Variants in PTPRS observed in about 807,000 individuals in gnomAD.
The protein encoded by PTPRS is receptor-type tyrosine-protein phosphatase S.
In PTPRS, 63 loss-of-function variants were observed where a neutral mutation model predicts 215.3. That is an observed-to-expected ratio of 0.29 (90% CI 0.24 to 0.36). The LOEUF is 0.36. PTPRS is among the 10% of genes least tolerant of loss of function. PTPRS has a pLI of 1.00. For missense variants in PTPRS, 2,258 were observed against 2,825.8 expected (o/e 0.80, Z 4.56); for synonymous variants, 1,404 against 1,191.4 (o/e 1.18, Z -3.68).
At chr19:5,273,622 G>C (rs1254294367) in intron 3 of PTPRS, 39 bp from the exon 4 acceptor site, 2 of 1,612,506 alleles carry the variant, frequency 1.2e-6, no homozygotes, top group South Asian at 1.1e-5. Flanking sequence ...AGTGAGGCTG[G>C]GGTCCCAGGA....
chr19:5,267,481 A>G (rs907413509), intron 4 of PTPRS, among the ~76,000 whole-genome samples: 1 of 151,716 alleles, frequency 6.6e-6, no homozygotes, highest in African/African-American at 2.4e-5. Context: ...ACATGGTGAA[A>G]CCCCGTCTCT....
At chr19:5,284,233 A>C (rs1020230624) in intron 2 of PTPRS, among the ~76,000 whole-genome samples, 1 of 150,390 alleles carries the variant, frequency 6.6e-6, no homozygotes, top group African/African-American at 2.5e-5. Context: ...GGTGGCTGGC[A>C]CCTGTAATCC....
intron 1 of PTPRS, among the ~76,000 whole-genome samples, chr19:5,307,933 G>T (rs1482585085): frequency 2.0e-5 from 3 of 152,190 alleles, no homozygotes; most frequent in Admixed American, 6.5e-5. Context: ...CCAATGGCGG[G>T]GTTGAGTAGT....
Position 5,313,940 on chromosome 19 carries a change from A to AAATAAT in PTPRS, c.-95+26718_-95+26723dup, listed in dbSNP as rs148699840. 1.9e-3 allele frequency among the ~76,000 whole-genome samples: 279 copies of AAATAAT among 146,654 alleles called. 3 individuals carry two copies. The East Asian group carries it at 0.031, about 16-fold the overall frequency. The stretch of plus-strand genomic sequence containing the variant: ...AGCAAGACTCTCTCTCTCTCTCCAC[A>AAATAAT]AATAATAATAATAATAATAATAATA... On this transcript the variant is annotated intron_variant, in intron 1 of 37. Coordinates refer to ENST00000262963, the MANE Select transcript of PTPRS (RefSeq NM_002850.4).
At chr19:5,231,898 T>C (rs80329598) in intron 13 of PTPRS, among the ~76,000 whole-genome samples, 2,822 of 152,210 alleles carry the variant, frequency 0.019, 75 homozygotes, top group African/African-American at 0.064. Flanking sequence ...GTCTTAGGCA[T>C]TGGACAGCTA....
rs186073402 is a variant in PTPRS, at chr19:5,330,033, C to T, written c.-95+10631G>A. On this transcript the variant is annotated intron_variant, in intron 1 of 37. Transcript: ENST00000262963. ...TGGAAGTTGCCGTGAGCCGAGATCA[C>T]GCCATTGCACTCCAGCCTGGGTGAC... Among the ~76,000 whole-genome samples the T allele has an allele frequency of 2.6e-4, 38 of 148,110 alleles. No homozygotes were observed. In the Middle Eastern group the frequency reaches 0.014, roughly 56 times the overall value.
intron 6 of PTPRS, among the ~76,000 whole-genome samples, chr19:5,262,314 G>A (rs2046062231): frequency 6.6e-6 from 1 of 152,198 alleles, no homozygotes; most frequent in Non-Finnish European, 1.5e-5. Flanking sequence ...ATCACTCAGG[G>A]CTATTCTATC....
chr19:5,297,791 C>CTTTTTTTTTTT (rs373472522), intron 1 of PTPRS, among the ~76,000 whole-genome samples: 6 of 131,364 alleles, frequency 4.6e-5, no homozygotes, highest in African/African-American at 5.6e-5. Context: ...CTTTTCTTTT[C>CTTTTTTTTTTT]TTTTTTTTTT....
At chr19:5,256,487 G>C (rs530118281) in intron 8 of PTPRS, among the ~76,000 whole-genome samples, 54 of 152,176 alleles carry the variant, frequency 3.5e-4, no homozygotes, top group Non-Finnish European at 7.4e-4. Context: ...ACCTCTGGGG[G>C]ATGAGGACAC....
intron 1 of PTPRS, among the ~76,000 whole-genome samples, chr19:5,317,977 C>T (rs1275700519): frequency 1.3e-5 from 2 of 152,212 alleles, no homozygotes; most frequent in Non-Finnish European, 2.9e-5. Flanking sequence ...CGAGACCATC[C>T]TGCTTCACAC....
chr19:5,228,630 C>T (rs1171756895), intron 16 of PTPRS, among the ~76,000 whole-genome samples: 1 of 152,150 alleles, frequency 6.6e-6, no homozygotes, highest in African/African-American at 2.4e-5. Context: ...AGGCATGAGC[C>T]ACCACGCCCA....
rs898546389 is a variant in PTPRS, at chr19:5,338,105, C to A, written c.-95+2559G>T. On this transcript the variant is annotated intron_variant, in intron 1 of 37. Transcript: ENST00000262963. This position sits in a 1 kb window ranked among gnomAD's most constrained non-coding sequence, Gnocchi z 4.2. ...AAAATGACCTGTCACCCATCTCCCG[C>A]GGGGAGTGGGGAGCGGGCCAGTCCA... is the stretch of plus-strand genomic sequence containing the variant. 6.6e-6 allele frequency among the ~76,000 whole-genome samples: 1 copy of A among 151,414 alleles called. No individual in the cohort carries two copies. Among genetic ancestry groups the A allele is most frequent in the African/African-American group, 2.4e-5 (1 of 41,388 alleles).
chr19:5,222,367 C>T, intron 18 of PTPRS, 147 bp from the exon 19 acceptor site: 1 of 732,880 alleles, frequency 1.4e-6, no homozygotes, highest in African/African-American at 1.7e-5. Flanking sequence ...TCCTGCCTGG[C>T]CCTGGCCCGG....
intron 9 of PTPRS, among the ~76,000 whole-genome samples, chr19:5,246,859 G>A (rs1387006798): frequency 2.0e-5 from 3 of 151,982 alleles, no homozygotes; most frequent in African/African-American, 4.8e-5. Flanking sequence ...GCAGCTCTGA[G>A]TCACAAACAT....
chr19:5,339,331 G>A lies in PTPRS; in HGVS notation c.-95+1333C>T, dbSNP rs996479189. ...TTTGAGGAAGGGTTGCAGAGGAAGG[G>A]GCGTTCTTGGAAGCTGCATATTTAG... On this transcript the variant is annotated intron_variant, in intron 1 of 37. Transcript: ENST00000262963. This position sits in a 1 kb window ranked among gnomAD's most constrained non-coding sequence, Gnocchi z 4.2. Among the ~76,000 whole-genome samples, 3 of 152,114 alleles carry A rather than the reference G, an allele frequency of 2.0e-5. No individual in the cohort carries two copies. The highest frequency in any genetic ancestry group is 7.2e-5 in the African/African-American group (3 of 41,410).
At chr19:5,290,746 C>T (rs1483939066) in intron 1 of PTPRS, among the ~76,000 whole-genome samples, 1 of 151,968 alleles carries the variant, frequency 6.6e-6, no homozygotes, top group African/African-American at 2.4e-5. Context: ...GCTGATTATG[C>T]CAGCAGTGGG....
At position 5,270,458 on chromosome 19, in the gene PTPRS, G is replaced by C. The variant is rs567327903; in HGVS notation, c.379+2984C>G. On this transcript the variant is annotated intron_variant, in intron 4 of 37. Transcript: ENST00000262963. The stretch of plus-strand genomic sequence containing the variant: ...GGCAGGCCCCATTACACCAGGCTAA[G>C]TTTTACATTTTTCTTTTTGTAGAGA... 4.6e-5 allele frequency among the ~76,000 whole-genome samples: 7 copies of C among 152,074 alleles called. No individual in the cohort carries two copies. The East Asian group carries it at 1.4e-3, about 30-fold the overall frequency.
chr19:5,242,805 T>A (rs970040282), intron 11 of PTPRS, among the ~76,000 whole-genome samples: 3 of 152,270 alleles, frequency 2.0e-5, no homozygotes, highest in African/African-American at 7.2e-5. Context: ...CCAGTGATCC[T>A]CTCATCTCAG....
chr19:5,229,180 G>T, intron 16 of PTPRS, 136 bp downstream of exon 16: 1 of 1,017,590 alleles, frequency 9.8e-7, no homozygotes. Flanking sequence ...GGTAATGGGA[G>T]AGCGAGGGGC....
Sources: gnomAD v4.1 joint callset for allele counts (sites outside exome capture counted in the v4.1 genomes callset) on GRCh38, gnomAD v4.1.1 for gene constraint, Gnocchi (gnomAD v3.1) non-coding constraint, MANE v1.5 for transcripts, NCBI Gene and HGNC (gene_info 2026-07-23, HGNC 2026-07-21) for gene names.